CCDC85C: variants seen among roughly 807,000 people sequenced by gnomAD.
CCDC85C encodes the protein coiled-coil domain containing 85C, also known as coiled-coil domain-containing protein 85C.
In CCDC85C, 18 loss-of-function variants were observed where a neutral mutation model predicts 38.3. The ratio of observed to expected loss-of-function variants is 0.47; its 90% CI spans 0.33 to 0.70. The LOEUF is 0.70. Ranked by LOEUF, CCDC85C falls within the 30% of genes least tolerant of loss-of-function variation. The pLI is 0.03. For synonymous variants in CCDC85C, 264 were observed against 293.8 expected (o/e 0.90, Z 1.04); for missense variants, 566 against 621.2 (o/e 0.91, Z 0.94).
chr14:99,571,010 C>T (rs1439297076), intron 1 of CCDC85C, among the ~76,000 whole-genome samples: 1 of 152,140 alleles, frequency 6.6e-6, no homozygotes, highest in Non-Finnish European at 1.5e-5. Context: ...CCTGGAGCTT[C>T]CCCCACTCCC....
rs950371492 is a variant in CCDC85C, at chr14:99,586,636, C to T, written c.793+16531G>A. Among the ~76,000 whole-genome samples, 14 of 152,198 alleles carry T rather than the reference C, an allele frequency of 9.2e-5. No homozygotes were observed. The East Asian group carries it at 1.2e-3, about 13-fold the overall frequency. ...TCCTGAAGCCCTTTCATGATAAACG[C>T]GTCCATTTTTAGAAAGAAGGCTCTT... On this transcript the variant is annotated intron_variant, in intron 1 of 5. Transcript: ENST00000380243.
intron 1 of CCDC85C, among the ~76,000 whole-genome samples, chr14:99,582,808 C>T (rs1442763401): frequency 6.6e-6 from 1 of 151,444 alleles, no homozygotes; most frequent in Non-Finnish European, 1.5e-5. Flanking sequence ...AGCAAGACTC[C>T]GTCTCAAAAA....
intron 1 of CCDC85C, among the ~76,000 whole-genome samples, chr14:99,550,136 G>A (rs757696932): frequency 2.4e-4 from 36 of 152,272 alleles, no homozygotes; most frequent in Non-Finnish European, 5.0e-4. Flanking sequence ...CCTCAAAGAT[G>A]CCCCCACCCT....
rs1897313444 is a variant in CCDC85C at position 99,522,248 on chromosome 14, G to A, written c.868-8C>T. ...CTCTCCGGAGCCTGCCTGCTGCAGG[G>A]GAGAGAAGGAGAGGGGTTAGACGGA... On this transcript the variant is annotated splice_polypyrimidine_tract_variant and splice_region_variant and intron_variant, in intron 2 of 5. Coordinates refer to ENST00000380243, the MANE Select transcript of CCDC85C (RefSeq NM_001144995.2). The A allele has an allele frequency of 2.6e-6, 4 of 1,539,654 alleles. No homozygotes were observed. Among genetic ancestry groups the A allele is most frequent in the Non-Finnish European group, 3.5e-6 (4 of 1,141,342 alleles).
intron 1 of CCDC85C, among the ~76,000 whole-genome samples, chr14:99,543,908 G>A (rs1897759159): frequency 6.6e-6 from 1 of 152,224 alleles, no homozygotes; most frequent in African/African-American, 2.4e-5. Context: ...AGTGCCCACA[G>A]CCCACAAATG....
chr14:99,510,727 C>T lies in CCDC85C; in HGVS notation c.*4519G>A. 2.1e-6 allele frequency: 3 copies of T among 1,423,416 alleles called. No homozygotes were observed. The highest frequency in any genetic ancestry group is 2.8e-6 in the Non-Finnish European group (3 of 1,087,836). 88.2% of individuals were successfully genotyped at this position (1,423,416 alleles called of 1,614,324 possible). On this transcript the variant is annotated 3_prime_UTR_variant, in exon 6 of 6. Coordinates refer to ENST00000380243, the MANE Select transcript of CCDC85C (RefSeq NM_001144995.2). ...CAGCCTCCTGTGCCCCCGCCCATTC[C>T]CCCACCCGGCATGCCTCCAGTTGGG... is the stretch of plus-strand genomic sequence containing the variant.
At chr14:99,583,466 C>T (rs1193734775) in intron 1 of CCDC85C, among the ~76,000 whole-genome samples, 2 of 138,946 alleles carry the variant, frequency 1.4e-5, no homozygotes, top group East Asian at 2.2e-4. Context: ...ATCGCATGAT[C>T]GCACTCCAGG....
rs1296748075 is a variant in CCDC85C at position 99,603,795 on chromosome 14, G to A, written c.165C>T (p.Asp55=). 2 of 1,525,602 alleles carry A rather than the reference G, an allele frequency of 1.3e-6. No individual in the cohort carries two copies. The highest frequency in any genetic ancestry group is 8.8e-7 in the Non-Finnish European group (1 of 1,142,442). The allele number at this position is 1,525,602 out of a possible 1,614,324, so 94.5% of individuals were successfully genotyped here. ...GGTGCTGCTGCAGCCGCCGGTTCAC[G>A]TCGCGCATCAGGCCGCCGTGCTCCA... ...LMLEHGGLMR[D]VNRRLQQHLL... Residue 55 remains aspartate (D), a synonymous_variant, in exon 1 of 6, where the codon GAC becomes GAT. Transcript: ENST00000380243. This position sits in a 1 kb window ranked among gnomAD's most constrained non-coding sequence, Gnocchi z 7.5.
In CCDC85C at chr14:99,544,341, A is replaced by G. The variant is rs373676014; in HGVS notation, c.794-8253T>C. Among the ~76,000 whole-genome samples, 2 of 152,048 alleles carry G rather than the reference A, an allele frequency of 1.3e-5. No homozygotes were observed. Among genetic ancestry groups the G allele is most frequent in the African/African-American group, 2.4e-5 (1 of 41,384 alleles). On this transcript the variant is annotated intron_variant, in intron 1 of 5. Transcript: ENST00000380243. This position sits in a 1 kb window ranked among gnomAD's most constrained non-coding sequence, Gnocchi z 5.3. Reference sequence around the variant, plus strand: ...CTGGGCCTCTCAAGACATCATCACCATGGTTGTCAGGGCTGTTCATTCTAA... The same window carrying G: ...CTGGGCCTCTCAAGACATCATCACCGTGGTTGTCAGGGCTGTTCATTCTAA...
At chr14:99,596,295 G>C (rs1390769118) in intron 1 of CCDC85C, among the ~76,000 whole-genome samples, 1 of 152,218 alleles carries the variant, frequency 6.6e-6, no homozygotes, top group Non-Finnish European at 1.5e-5. Flanking sequence ...CAACTGGGAA[G>C]GGAAAATGCC....
At position 99,569,191 on chromosome 14, in the gene CCDC85C, G is replaced by A. The variant is rs188306420; in HGVS notation, c.794-33103C>T. On this transcript the variant is annotated intron_variant, in intron 1 of 5. Transcript: ENST00000380243. This position sits in a 1 kb window ranked among gnomAD's most constrained non-coding sequence, Gnocchi z 4.3. ...AGAATAAAGCAGTAAGGCCCACGTCGACCCATCTTCGTGAAGGAAGACCTA... is the reference window on the plus strand; with the variant it reads ...AGAATAAAGCAGTAAGGCCCACGTCAACCCATCTTCGTGAAGGAAGACCTA... Among the ~76,000 whole-genome samples, 4 of 152,206 alleles carry A rather than the reference G, an allele frequency of 2.6e-5. No homozygotes were observed. The highest frequency in any genetic ancestry group is 5.9e-5 in the Non-Finnish European group (4 of 67,976).
Position 99,516,223 on chromosome 14 carries a change from C to T in CCDC85C, c.1135G>A (p.Glu379Lys). Reference protein sequence around the residue: ...LQDSCEEDLSEKEKAIVREMC... With the variant: ...LQDSCEEDLSKKEKAIVREMC... ...TCGCGAACGATGGCCTTCTCCTTCT[C>T]ACTCAGGTCCTCCTCACAGCTGTCC... The change falls in exon 5 of 6, where the codon GAG (glutamate) becomes AAG (lysine). Residue 379 changes from glutamate to lysine, a missense_variant. Glu to Lys is a moderately conservative substitution (Grantham distance 56). Around this residue, in one of 3 missense-constraint regions of CCDC85C, gnomAD observed 286 missense variants for 276.4 expected, o/e 1.03. Transcript: ENST00000380243. This position sits in a 1 kb window ranked among gnomAD's most constrained non-coding sequence, Gnocchi z 5.5. 1.9e-6 allele frequency: 3 copies of T among 1,551,356 alleles called. No homozygotes were observed. The highest frequency in any genetic ancestry group is 2.6e-6 in the Non-Finnish European group (3 of 1,146,956).
intron 1 of CCDC85C, among the ~76,000 whole-genome samples, chr14:99,537,880 G>A (rs1461315260): frequency 6.6e-6 from 1 of 152,158 alleles, no homozygotes; most frequent in Non-Finnish European, 1.5e-5. Context: ...CTCTGAGCAT[G>A]GGGAGGTAGG....
Position 99,510,798 on chromosome 14 carries a change from C to CCTCA in CCDC85C, c.*4447_*4448insTGAG, listed in dbSNP as rs762125168. ...GATGAGATAACGTGAGCCTTTTTTC[C>CCTCA]CTCTTTGTTTTTTTAACAAGATTTT... On this transcript the variant is annotated 3_prime_UTR_variant, in exon 6 of 6. Coordinates refer to ENST00000380243, the MANE Select transcript of CCDC85C (RefSeq NM_001144995.2). 3.5e-6 allele frequency: 5 copies of CCTCA among 1,415,100 alleles called. No individual in the cohort carries two copies. In the African/African-American group the frequency reaches 4.4e-5, roughly 12 times the overall value. The allele number at this position is 1,415,100 out of a possible 1,614,324, so 87.7% of individuals were successfully genotyped here.
intron 2 of CCDC85C, among the ~76,000 whole-genome samples, chr14:99,527,787 C>A (rs373760177): frequency 3.9e-5 from 6 of 152,234 alleles, no homozygotes; most frequent in African/African-American, 1.4e-4. Flanking sequence ...GCCCCAGCCT[C>A]GTCTCCACTA....
In CCDC85C at chr14:99,550,845, C is replaced by T. The variant is rs61232527; in HGVS notation, c.794-14757G>A. On this transcript the variant is annotated intron_variant, in intron 1 of 5. Transcript: ENST00000380243. ...CAGCACCAGCTGACCATGGGGACAG[C>T]GGTACCATAACAGGCCTGGGGTGCC... Among the ~76,000 whole-genome samples, 920 of 152,296 alleles carry T rather than the reference C, an allele frequency of 6.0e-3. 11 individuals carry two copies. The highest frequency in any genetic ancestry group is 0.021 in the African/African-American group (860 of 41,552).
At chr14:99,564,757 C>T (rs910762596) in intron 1 of CCDC85C, among the ~76,000 whole-genome samples, 1 of 152,220 alleles carries the variant, frequency 6.6e-6, no homozygotes, top group Non-Finnish European at 1.5e-5. Flanking sequence ...AACATCCAGC[C>T]TTTTAAGGCC....
At chr14:99,596,825 G>A (rs1027496359) in intron 1 of CCDC85C, among the ~76,000 whole-genome samples, 9 of 152,178 alleles carry the variant, frequency 5.9e-5, no homozygotes, top group African/African-American at 2.2e-4. Context: ...CCCAGACGCT[G>A]ATCCCAACCA....
chr14:99,598,316 A>G (rs2055164740), intron 1 of CCDC85C, among the ~76,000 whole-genome samples: 4 of 152,250 alleles, frequency 2.6e-5, no homozygotes, highest in Admixed American at 6.5e-5. Flanking sequence ...ATGGATTGGA[A>G]AATCCCCACC....
Sources: allele counts gnomAD v4.1 joint callset (sites outside exome capture counted in the v4.1 genomes callset), GRCh38; gene constraint gnomAD v4.1.1; regional missense constraint gnomAD v4.1.1; non-coding constraint Gnocchi (gnomAD v3.1); transcripts MANE v1.5; gene names NCBI Gene and HGNC (gene_info 2026-07-23, HGNC 2026-07-21).